Variants in SPTLC3 observed in about 807,000 individuals in gnomAD.
The protein encoded by SPTLC3 is serine palmitoyltransferase long chain base subunit 3.
In SPTLC3, 36 loss-of-function variants were observed where a neutral mutation model predicts 59.3. That is an observed-to-expected ratio of 0.61 (90% CI 0.47 to 0.80). The LOEUF (loss-of-function observed/expected upper bound fraction) is 0.80. SPTLC3 is among the 30% of genes least tolerant of loss of function. The pLI is 0.00. For missense variants in SPTLC3, 625 were observed against 685.1 expected, an observed-to-expected ratio of 0.91 and a Z score of 0.98; for synonymous variants, 257 against 240.8, an observed-to-expected ratio of 1.07 and a Z score of -0.62.
At chr20:13,164,557 A>T in intron 11 of SPTLC3, 197 bp from the exon 12 acceptor site, 1 of 592,626 alleles carries the variant, frequency 1.7e-6, no homozygotes, top group African/African-American at 1.9e-5. Flanking sequence ...ACTAAATAAA[A>T]TTAATTAGCA....
At chr20:13,098,242 C>T (rs1413808540) in intron 6 of SPTLC3, among the ~76,000 whole-genome samples, 1 of 152,122 alleles carries the variant, frequency 6.6e-6, no homozygotes, top group African/African-American at 2.4e-5. Context: ...AAAGAAGACA[C>T]ATTGAATTAT....
Position 13,150,373 on chromosome 20 carries a change from T to C in SPTLC3, c.1280-3630T>C, listed in dbSNP as rs180989671. Among the ~76,000 whole-genome samples, 383 of 152,318 alleles carry C rather than the reference T, an allele frequency of 2.5e-3. 3 individuals carry two copies. Among genetic ancestry groups the C allele is most frequent in the Middle Eastern group, 3.4e-3 (1 of 294 alleles). On this transcript the variant is annotated intron_variant, in intron 9 of 11. Coordinates refer to ENST00000399002, the MANE Select transcript of SPTLC3 (RefSeq NM_018327.4). The stretch of plus-strand genomic sequence containing the variant: ...GAGACTGTGTCTAAGCATATATATA[T>C]ACACAGATGTTTCTACACATCTCTG...
At position 13,084,808 on chromosome 20, in the gene SPTLC3, A is replaced by C. The variant is rs553239310; in HGVS notation, c.608-6275A>C. 1.4e-3 allele frequency among the ~76,000 whole-genome samples: 209 copies of C among 152,326 alleles called. 1 individual carries two copies. The highest frequency in any genetic ancestry group is 1.2e-3 in the Non-Finnish European group (81 of 68,034). On this transcript the variant is annotated intron_variant, in intron 4 of 11. Transcript: ENST00000399002. ...TAGAGCATGAGGATTAAATTAAGCA[A>C]TCATGGTACATTGCTGAACACTCAT...
At chr20:13,152,632 A>C (rs1001744188) in intron 9 of SPTLC3, among the ~76,000 whole-genome samples, 1 of 152,170 alleles carries the variant, frequency 6.6e-6, no homozygotes, top group African/African-American at 2.4e-5. Context: ...TAAAAGAAAG[A>C]CTCAAATAGT....
intron 9 of SPTLC3, among the ~76,000 whole-genome samples, chr20:13,144,492 A>T (rs147892228): frequency 1.3e-3 from 191 of 152,350 alleles, no homozygotes; most frequent in Non-Finnish European, 1.1e-3. Context: ...TGACTTGCTC[A>T]TCTCTATAGA....
chr20:13,137,979 G>A (rs889417764), intron 9 of SPTLC3, among the ~76,000 whole-genome samples: 4 of 152,120 alleles, frequency 2.6e-5, no homozygotes, highest in Admixed American at 1.3e-4. Context: ...TCTGGACTCA[G>A]AACAGCTTGG....
intron 1 of SPTLC3, among the ~76,000 whole-genome samples, chr20:13,044,812 A>G (rs1987156304): frequency 6.6e-6 from 1 of 152,156 alleles, no homozygotes; most frequent in Non-Finnish European, 1.5e-5. Context: ...CACAGGCAGC[A>G]AAGGAAAGTC....
chr20:13,059,325 C>T (rs879583385), intron 2 of SPTLC3, among the ~76,000 whole-genome samples: 6 of 152,162 alleles, frequency 3.9e-5, no homozygotes, highest in African/African-American at 1.2e-4. Flanking sequence ...TCGCTAGTAT[C>T]GCCTGAGAGC....
chr20:13,113,793 A>T (rs1010459747), intron 7 of SPTLC3, among the ~76,000 whole-genome samples: 1 of 152,206 alleles, frequency 6.6e-6, no homozygotes, highest in African/African-American at 2.4e-5. Context: ...TTTCAGTCTA[A>T]GAAGTTGCAA....
At chr20:13,124,162 G>A (rs2122779764) in intron 8 of SPTLC3, among the ~76,000 whole-genome samples, 1 of 152,316 alleles carries the variant, frequency 6.6e-6, no homozygotes. Context: ...AGAATCATCA[G>A]AAACTTAATT....
chr20:13,043,755 T>C (rs1034257445), intron 1 of SPTLC3, among the ~76,000 whole-genome samples: 1 of 152,304 alleles, frequency 6.6e-6, no homozygotes, highest in African/African-American at 2.4e-5. Context: ...TCACTATTAG[T>C]AACCGAAGTC....
intron 7 of SPTLC3, among the ~76,000 whole-genome samples, chr20:13,117,109 A>G (rs1990603857): frequency 6.6e-6 from 1 of 152,216 alleles, no homozygotes; most frequent in Non-Finnish European, 1.5e-5. Flanking sequence ...AGACCTGGCC[A>G]AAAAGGCAAT....
intron 1 of SPTLC3, among the ~76,000 whole-genome samples, chr20:13,011,425 C>T (rs1266836456): frequency 1.3e-5 from 2 of 152,198 alleles, no homozygotes; most frequent in Admixed American, 1.3e-4. Context: ...TCCAATGATC[C>T]TCCCACCCTT....
At chr20:13,078,945 T>G (rs1424656094) in intron 4 of SPTLC3, among the ~76,000 whole-genome samples, 1 of 152,168 alleles carries the variant, frequency 6.6e-6, no homozygotes, top group African/African-American at 2.4e-5. Context: ...GAACAATTTT[T>G]TAATTCATAC....
At chr20:13,114,585 T>C (rs1014380) in intron 7 of SPTLC3, among the ~76,000 whole-genome samples, 35,685 of 152,212 alleles carry the variant, frequency 0.23, 4,386 homozygotes, top group Middle Eastern at 0.36. Context: ...TGTAAGCTAT[T>C]CTCCTATGCT....
chr20:13,049,682 G>A (rs1248501204), intron 2 of SPTLC3: 1 of 157,626 alleles, frequency 6.3e-6, no homozygotes, highest in Non-Finnish European at 1.4e-5. Context: ...TAAAGCTAAG[G>A]ACCCTGATGA....
chr20:13,100,054 C>G (rs1989551010), intron 6 of SPTLC3, among the ~76,000 whole-genome samples: 1 of 152,152 alleles, frequency 6.6e-6, no homozygotes, highest in Non-Finnish European at 1.5e-5. Flanking sequence ...ACTCTTCTGC[C>G]TGTTGGAGAG....
At chr20:13,101,152 A>G (rs575281037) in intron 6 of SPTLC3, among the ~76,000 whole-genome samples, 2 of 152,312 alleles carry the variant, frequency 1.3e-5, no homozygotes, top group East Asian at 3.9e-4. Context: ...GAGCTGAAGT[A>G]TTTACCCACA....
At chr20:13,045,703 G>A (rs753819269) in intron 1 of SPTLC3, among the ~76,000 whole-genome samples, 2 of 152,038 alleles carry the variant, frequency 1.3e-5, no homozygotes, top group Non-Finnish European at 2.9e-5. Context: ...GGACATTTTT[G>A]AAATTTTCTC....
Sources: gnomAD v4.1 joint callset for allele counts (sites outside exome capture counted in the v4.1 genomes callset) on GRCh38, gnomAD v4.1.1 for gene constraint, MANE v1.5 for transcripts, NCBI Gene and HGNC (gene_info 2026-07-23, HGNC 2026-07-21) for gene names.